Variants in SYT7 observed in about 807,000 individuals in gnomAD.
The protein encoded by SYT7 is synaptotagmin 7, also known as synaptotagmin-7.
In SYT7, 29 loss-of-function variants were observed where a neutral mutation model predicts 75.1. The observed-to-expected ratio is 0.39, with a 90% CI of 0.29 to 0.53. SYT7 has a LOEUF of 0.53. Ranked by LOEUF, SYT7 falls within the 20% of genes least tolerant of loss-of-function variation. SYT7 has a pLI of 0.77. For synonymous variants in SYT7, 376 were observed against 401.7 expected (o/e 0.94, Z 0.76); for missense variants, 693 against 953.2 (o/e 0.73, Z 3.59).
chr11:61,529,972 G>A (rs915605688), intron 8 of SYT7, among the ~76,000 whole-genome samples: 2 of 152,094 alleles, frequency 1.3e-5, no homozygotes, highest in African/African-American at 2.4e-5. Context: ...CTGGCTGGCC[G>A]CCCACCTCAC....
At chr11:61,533,684 C>T in intron 7 of SYT7, 1 of 985,328 alleles carries the variant, frequency 1.0e-6, no homozygotes, top group Middle Eastern at 5.2e-4. Context: ...GGACAACTCT[C>T]CACAGTGACA....
intron 12 of SYT7, among the ~76,000 whole-genome samples, chr11:61,520,374 A>T (rs1396516148): frequency 6.6e-6 from 1 of 151,972 alleles, no homozygotes; most frequent in Non-Finnish European, 1.5e-5. Context: ...AAATACAAAA[A>T]AATTAGCTGG....
At chr11:61,556,045 G>T (rs573576359) in intron 2 of SYT7, 59 bp downstream of exon 2, 225 of 1,420,638 alleles carry the variant, frequency 1.6e-4, no homozygotes, top group Admixed American at 3.3e-4. Flanking sequence ...TGTGTGTGGG[G>T]AGGGGGGGCA....
intron 2 of SYT7, among the ~76,000 whole-genome samples, chr11:61,555,691 G>C (rs1292875247): frequency 6.6e-6 from 1 of 152,212 alleles, no homozygotes; most frequent in African/African-American, 2.4e-5. Context: ...GGGCAGAGGG[G>C]AGGGGGCGCG....
At chr11:61,582,239 C>T (rs939853246), upstream of SYT7, among the ~76,000 whole-genome samples, 4 of 152,180 alleles carry the variant, frequency 2.6e-5, no homozygotes, top group East Asian at 1.9e-4. Flanking sequence ...AGGGCAAAAT[C>T]CCTGGGTCTG....
chr11:61,514,451 C>T lies in SYT7; in HGVS notation c.*4176G>A, dbSNP rs1455332581. ...AGCAGAGGGCGGATGGGATGGCCCG[C>T]TTCACTCCTGGTGGGGGCAGGGGCC... On this transcript the variant is annotated 3_prime_UTR_variant, in exon 13 of 13. Transcript: ENST00000539008. Among the ~76,000 whole-genome samples, 1 of 152,252 alleles carries T rather than the reference C, an allele frequency of 6.6e-6. No homozygotes were observed. The highest frequency in any genetic ancestry group is 1.5e-5 in the Non-Finnish European group (1 of 68,036).
chr11:61,577,779 G>A (rs1220007562), intron 1 of SYT7, among the ~76,000 whole-genome samples: 1 of 152,216 alleles, frequency 6.6e-6, no homozygotes, highest in South Asian at 2.1e-4. Context: ...ACAGAGGGCT[G>A]GGGGCAGGGC....
chr11:61,547,432 G>T (rs1001728239), intron 3 of SYT7, 124 bp from the exon 4 acceptor site: 11 of 1,136,918 alleles, frequency 9.7e-6, no homozygotes, highest in Middle Eastern at 5.5e-4. Flanking sequence ...GGGGCTTCGT[G>T]GGTCAGCTCC....
Position 61,580,700 on chromosome 11 carries a change from C to T in SYT7, c.31+90G>A. On this transcript the variant is annotated intron_variant, in intron 1 of 12. Coordinates refer to ENST00000539008, the MANE Select transcript of SYT7 (RefSeq NM_001365809.2). The surrounding 1 kb of genome is among the most constrained non-coding windows in gnomAD (Gnocchi z 6.1). ...CCGTGCGGCTCCGGGCGGACAACAGCCCCAGGCTGGGGCTCCGAGACGGCG... is the reference window on the plus strand; with the variant it reads ...CCGTGCGGCTCCGGGCGGACAACAGTCCCAGGCTGGGGCTCCGAGACGGCG... The T allele has an allele frequency of 1.1e-6, 1 of 917,830 alleles. No individual in the cohort carries two copies. The highest frequency in any genetic ancestry group is 1.4e-6 in the Non-Finnish European group (1 of 710,658). 56.9% of individuals were successfully genotyped at this position (917,830 alleles called of 1,614,324 possible).
intron 3 of SYT7, among the ~76,000 whole-genome samples, chr11:61,547,527 T>C (rs1251423495): frequency 6.6e-6 from 1 of 151,752 alleles, no homozygotes; most frequent in Non-Finnish European, 1.5e-5. Context: ...TGTGCAAACA[T>C]ACCAATGCAC....
intron 8 of SYT7, 131 bp from the exon 9 acceptor site, chr11:61,528,316 C>T: frequency 1.7e-6 from 2 of 1,192,604 alleles, no homozygotes; most frequent in Admixed American, 2.4e-5. Context: ...GGACGCTGCT[C>T]AGGCTCAGAG....
At chr11:61,573,196 G>A (rs937901770) in intron 1 of SYT7, among the ~76,000 whole-genome samples, 1 of 152,166 alleles carries the variant, frequency 6.6e-6, no homozygotes, top group African/African-American at 2.4e-5. Context: ...ATGCCTGGGG[G>A]GGTTATGTGG....
chr11:61,520,229 T>C (rs1239149316), intron 12 of SYT7, among the ~76,000 whole-genome samples: 1 of 151,570 alleles, frequency 6.6e-6, no homozygotes, highest in Admixed American at 6.6e-5. Context: ...AAAAGGATGG[T>C]TGTGGCCTCA....
In SYT7 at chr11:61,533,025, T is replaced by A; in HGVS notation, c.1164A>T (p.Ser388=). 6.2e-7 allele frequency: 1 copy of A among 1,613,728 alleles called. No individual in the cohort carries two copies. The highest frequency in any genetic ancestry group is 1.1e-5 in the South Asian group (1 of 91,086). ...DRRTEPRSSV[S]DLVNSLTSEM... ...CGCTGGTGAGGGAGTTGACGAGGTCTGAGACGGAGGAACGTGGCTCGGTCC... is the reference window on the plus strand; with the variant it reads ...CGCTGGTGAGGGAGTTGACGAGGTCAGAGACGGAGGAACGTGGCTCGGTCC... The change falls in exon 8 of 13, where the codon TCA becomes TCT. Residue 388 remains serine, a synonymous_variant. Transcript: ENST00000539008.
At chr11:61,572,620 T>C (rs1032024547) in intron 1 of SYT7, among the ~76,000 whole-genome samples, 12 of 152,200 alleles carry the variant, frequency 7.9e-5, no homozygotes, top group African/African-American at 2.9e-4. Context: ...GCTGTGAAGA[T>C]GACATAACAT....
intron 8 of SYT7, among the ~76,000 whole-genome samples, chr11:61,531,452 C>T (rs1233587876): frequency 6.6e-6 from 1 of 151,578 alleles, no homozygotes; most frequent in East Asian, 1.9e-4. Context: ...TGGGGCCAGT[C>T]TTCCTGGGGG....
At chr11:61,539,147 GAGA>G (rs1235211205) in intron 6 of SYT7, among the ~76,000 whole-genome samples, 2 of 152,316 alleles carry the variant, frequency 1.3e-5, no homozygotes, top group Non-Finnish European at 2.9e-5. Context: ...GCAAGGTCTG[GAGA>G]AGTTTTGGCA....
intron 7 of SYT7, among the ~76,000 whole-genome samples, chr11:61,534,494 CCA>C (rs1301567398): frequency 6.6e-6 from 1 of 150,906 alleles, no homozygotes; most frequent in African/African-American, 2.4e-5. Flanking sequence ...CACATGAGCC[CCA>C]CAGACATCCA....
At chr11:61,560,684 G>C (rs989699715) in intron 1 of SYT7, among the ~76,000 whole-genome samples, 1 of 152,194 alleles carries the variant, frequency 6.6e-6, no homozygotes, top group Admixed American at 6.5e-5. Context: ...CCATCAAGGG[G>C]TGCAAGCATG....
Sources: gnomAD v4.1 joint callset for allele counts (sites outside exome capture counted in the v4.1 genomes callset) on GRCh38, gnomAD v4.1.1 for gene constraint, Gnocchi (gnomAD v3.1) non-coding constraint, MANE v1.5 for transcripts, NCBI Gene and HGNC (gene_info 2026-07-23, HGNC 2026-07-21) for gene names.